FHAD1: variants seen among roughly 807,000 people sequenced by gnomAD.
FHAD1 encodes the protein forkhead-associated domain-containing protein 1.
FHAD1 carries 146 observed loss-of-function variants against 191.3 expected under a neutral mutation model. The ratio of observed to expected loss-of-function variants is 0.76; its 90% CI spans 0.67 to 0.88. The LOEUF (loss-of-function observed/expected upper bound fraction) is 0.88, where lower values mean the gene tolerates loss of function less well. Ranked by LOEUF, FHAD1 falls within the 40% of genes least tolerant of loss-of-function variation. The pLI is 0.00. For synonymous variants in FHAD1, 616 were observed against 672.3 expected (o/e 0.92, Z 1.29); for missense variants, 1,635 against 1,785.8 (o/e 0.92, Z 1.52).
chr1:15,378,817 T>C (rs1700238789), intron 28 of FHAD1, among the ~76,000 whole-genome samples: 1 of 152,248 alleles, frequency 6.6e-6, no homozygotes, highest in South Asian at 2.1e-4. Flanking sequence ...TGCTGCAAGC[T>C]GACATGCTCT....
chr1:15,241,058 C>A (rs371208750), intron 1 of FHAD1, among the ~76,000 whole-genome samples: 2 of 152,114 alleles, frequency 1.3e-5, no homozygotes, highest in African/African-American at 4.8e-5. Context: ...TCCTTGATTG[C>A]AGCCTGTGAG....
At position 15,352,986 on chromosome 1, in the gene FHAD1, T is replaced by C; in HGVS notation, c.2562+2T>C. The C allele has an allele frequency of 6.5e-7, 1 of 1,547,644 alleles. No homozygotes were observed. The highest frequency in any genetic ancestry group is 8.7e-7 in the Non-Finnish European group (1 of 1,144,438). On this transcript the variant is annotated splice_donor_variant, in intron 20 of 33. Transcript: ENST00000688493. LOFTEE classifies it high-confidence loss of function. ...AATCGCTTAACCAAGCAGAAAGAGG[T>C]ATGAGCCGCAGGGAGGGAGAGACGA... is the stretch of plus-strand genomic sequence containing the variant.
At chr1:15,382,369 C>A (rs182793471) in intron 31 of FHAD1, among the ~76,000 whole-genome samples, 176 bp downstream of exon 31, 71 of 152,290 alleles carry the variant, frequency 4.7e-4, no homozygotes, top group African/African-American at 1.7e-3. Flanking sequence ...AGAGCTCAAC[C>A]ACTTGCTATG....
intron 8 of FHAD1, 39 bp downstream of exon 8, chr1:15,313,226 T>G: frequency 6.5e-7 from 1 of 1,545,750 alleles, no homozygotes; most frequent in Middle Eastern, 1.7e-4. Context: ...AGCCATCCGG[T>G]GAAAAGCAGC....
chr1:15,281,449 T>A (rs1660553816), intron 3 of FHAD1, among the ~76,000 whole-genome samples: 1 of 151,998 alleles, frequency 6.6e-6, no homozygotes, highest in Non-Finnish European at 1.5e-5. Context: ...TTAAAAGAGT[T>A]TTGTTTTTGT....
In FHAD1 at chr1:15,330,132, G is replaced by C. The variant is rs538077317; in HGVS notation, c.1906+591G>C. ...GTAGACACAGACCTACATCATCGCT[G>C]TTACCGACGGCAGTTACTGATTCCA... On this transcript the variant is annotated intron_variant, in intron 14 of 33. Coordinates refer to ENST00000688493, the MANE Select transcript of FHAD1 (RefSeq NM_001391957.1). 2.0e-5 allele frequency: 3 copies of C among 152,932 alleles called. No homozygotes were observed. In the South Asian group the frequency reaches 6.2e-4, roughly 32 times the overall value. 9.5% of individuals were successfully genotyped at this position (152,932 alleles called of 1,614,324 possible).
rs35299485 is a variant in FHAD1 at position 15,299,199 on chromosome 1, C to CAAAAAAAAAAA, written c.679-1998_679-1988dup. ...TGGGTGACAGAGCAAGACCCTGTCT[C>CAAAAAAAAAAA]AAAAAAAAAAAAAAAAAAGGAAAAA... On this transcript the variant is annotated intron_variant, in intron 5 of 33. Coordinates refer to ENST00000688493, the MANE Select transcript of FHAD1 (RefSeq NM_001391957.1). Among the ~76,000 whole-genome samples the CAAAAAAAAAAA allele has an allele frequency of 1.3e-3, 60 of 46,386 alleles. 1 individual carries two copies. The highest frequency in any genetic ancestry group is 4.7e-3 in the African/African-American group (57 of 12,180). The allele number at this position is 46,386 out of a possible 152,430, so 30.4% of individuals were successfully genotyped here. A position where few individuals can be genotyped will look rare whatever the true frequency, so the allele number is the denominator to read the frequency against.
At chr1:15,258,831 G>A (rs1000181293) in intron 2 of FHAD1, among the ~76,000 whole-genome samples, 31 of 151,850 alleles carry the variant, frequency 2.0e-4, no homozygotes, top group African/African-American at 6.8e-4. Context: ...CAGGTGATCC[G>A]CCCGCCTCGG....
intron 16 of FHAD1, 74 bp downstream of exon 16, chr1:15,341,962 A>G (rs1266249419): frequency 1.4e-6 from 2 of 1,379,664 alleles, no homozygotes; most frequent in African/African-American, 1.5e-5. Context: ...AATTGAGGGC[A>G]TGTACTTAGA....
chr1:15,300,984 C>A (rs1668541791), intron 5 of FHAD1, among the ~76,000 whole-genome samples: 1 of 152,142 alleles, frequency 6.6e-6, no homozygotes, highest in African/African-American at 2.4e-5. Context: ...CGCTTGCCAC[C>A]ACACCCAGCT....
chr1:15,288,073 G>A (rs866902732), intron 3 of FHAD1, among the ~76,000 whole-genome samples: 2 of 152,132 alleles, frequency 1.3e-5, no homozygotes, highest in Non-Finnish European at 2.9e-5. Flanking sequence ...ACAGAGGAGG[G>A]GAAAGAGAGA....
At chr1:15,389,562 A>G (rs1267102769) in intron 32 of FHAD1, among the ~76,000 whole-genome samples, 1 of 151,784 alleles carries the variant, frequency 6.6e-6, no homozygotes, top group Non-Finnish European at 1.5e-5. Flanking sequence ...TCCTCTCACT[A>G]ACTTTGTGAT....
intron 2 of FHAD1, among the ~76,000 whole-genome samples, chr1:15,256,088 T>C (rs1293033500): frequency 6.6e-6 from 1 of 152,230 alleles, no homozygotes; most frequent in Non-Finnish European, 1.5e-5. Flanking sequence ...CTAAACCTTC[T>C]GGTTATAATC....
intron 2 of FHAD1, among the ~76,000 whole-genome samples, chr1:15,252,978 C>T (rs930662761): frequency 6.6e-6 from 1 of 152,204 alleles, no homozygotes; most frequent in Non-Finnish European, 1.5e-5. Flanking sequence ...AGATCTCTTT[C>T]AGACCTCACT....
chr1:15,324,164 G>A (rs1677374447), intron 10 of FHAD1, among the ~76,000 whole-genome samples: 2 of 152,214 alleles, frequency 1.3e-5, no homozygotes, highest in African/African-American at 4.8e-5. Flanking sequence ...ACAGAGCAGT[G>A]AAATGACTTT....
chr1:15,373,787 A>T (rs1160195354), intron 26 of FHAD1, among the ~76,000 whole-genome samples: 1 of 152,226 alleles, frequency 6.6e-6, no homozygotes, highest in Non-Finnish European at 1.5e-5. Flanking sequence ...TAGAGGCTAC[A>T]GTGAGCCGTG....
chr1:15,309,513 G>A (rs577888057), intron 7 of FHAD1, among the ~76,000 whole-genome samples: 17 of 152,304 alleles, frequency 1.1e-4, no homozygotes, highest in African/African-American at 3.8e-4. Context: ...GCTGGACACC[G>A]TGGTGGGGAA....
chr1:15,280,457 CAG>C (rs769090521), intron 3 of FHAD1, among the ~76,000 whole-genome samples: 8 of 152,114 alleles, frequency 5.3e-5, no homozygotes, highest in Non-Finnish European at 1.2e-4. Context: ...GGCAAAAACA[CAG>C]AAGGACTCCT....
In FHAD1 at chr1:15,381,290, C is replaced by T. The variant is rs373979556; in HGVS notation, c.3861C>T (p.His1287=). 2.4e-5 allele frequency: 37 copies of T among 1,551,644 alleles called. No homozygotes were observed. The highest frequency in any genetic ancestry group is 2.2e-4 in the Admixed American group (11 of 51,004). ...TGAACATCAAGAATATGTCAGGCCA[C>T]GTGTCCATGAAATACCTCTCCCGCC... is the stretch of plus-strand genomic sequence containing the variant. ...SLMNIKNMSG[H]VSMKYLSRQE... The change falls in exon 30 of 34, where the codon CAC becomes CAT. Residue 1287 remains histidine (H), a synonymous_variant. Transcript: ENST00000688493. The surrounding 1 kb of genome is among the most constrained non-coding windows in gnomAD (Gnocchi z 4.6).
Sources: gnomAD v4.1 joint callset for allele counts (sites outside exome capture counted in the v4.1 genomes callset) on GRCh38, gnomAD v4.1.1 for gene constraint, Gnocchi (gnomAD v3.1) non-coding constraint, MANE v1.5 for transcripts, NCBI Gene and HGNC (gene_info 2026-07-23, HGNC 2026-07-21) for gene names.